CACNA1C: variants seen among roughly 807,000 people sequenced by gnomAD.
The protein encoded by CACNA1C is voltage-dependent L-type calcium channel subunit alpha-1C.
Under a neutral mutation model 229.0 loss-of-function variants are expected in CACNA1C, and 30 were observed. The observed-to-expected ratio is 0.13, with a 90% confidence interval of 0.10 to 0.18. CACNA1C has a LOEUF of 0.18. CACNA1C is among the 10% of genes least tolerant of loss of function. The pLI, the probability that CACNA1C is intolerant of heterozygous loss-of-function variation, is 1.00. For missense variants in CACNA1C, 1,658 were observed against 2,845.0 expected (o/e 0.58, Z 9.49); for synonymous variants, 1,114 against 1,132.5 (o/e 0.98, Z 0.33).
rs1000637603 is a variant in CACNA1C, at chr12:2,378,775, T to C, written c.478-70201T>C. On this transcript the variant is annotated intron_variant, in intron 3 of 46. Coordinates refer to ENST00000399655, the MANE Select transcript of CACNA1C (RefSeq NM_000719.7). ...GTCCTTGTTCTTTTTGTTTGTTTATTTGGGTCCTTCCTTCCTTCCTTCCTT... is the reference window on the plus strand; with the variant it reads ...GTCCTTGTTCTTTTTGTTTGTTTATCTGGGTCCTTCCTTCCTTCCTTCCTT... Among the ~76,000 whole-genome samples, 3 of 137,696 alleles carry C rather than the reference T, an allele frequency of 2.2e-5. No homozygotes were observed. In the East Asian group the frequency reaches 6.4e-4, roughly 29 times the overall value. The allele number at this position is 137,696 out of a possible 152,430, so 90.3% of individuals were successfully genotyped here.
At chr12:2,383,719 C>T (rs947313961) in intron 3 of CACNA1C, among the ~76,000 whole-genome samples, 5 of 152,154 alleles carry the variant, frequency 3.3e-5, no homozygotes, top group Admixed American at 3.3e-4. Context: ...ACTCAAACCA[C>T]GTCAAAATAG....
At chr12:2,026,004 AAAGCCTTTG>A (rs1281834119) in intron 1 of CACNA1C, among the ~76,000 whole-genome samples, 2 of 152,238 alleles carry the variant, frequency 1.3e-5, no homozygotes, top group African/African-American at 4.8e-5. Context: ...CATATGTGCA[AAAGCCTTTG>A]AAAGACCAGA....
At chr12:2,064,146 CAAA>C (rs1448562078) in intron 1 of CACNA1C, among the ~76,000 whole-genome samples, 1 of 151,778 alleles carries the variant, frequency 6.6e-6, no homozygotes, top group Non-Finnish European at 1.5e-5. Flanking sequence ...TGCCTCTGTT[CAAA>C]AAAACAAAAT....
intron 8 of CACNA1C, among the ~76,000 whole-genome samples, chr12:2,505,148 G>C (rs2099768810): frequency 6.6e-6 from 1 of 152,030 alleles, no homozygotes; most frequent in African/African-American, 2.4e-5. Context: ...ATGGAGGAGA[G>C]CTGGCTTCAC....
At chr12:2,162,378 T>G (rs944645795) in intron 3 of CACNA1C, among the ~76,000 whole-genome samples, 1 of 151,816 alleles carries the variant, frequency 6.6e-6, no homozygotes, top group Non-Finnish European at 1.5e-5. Flanking sequence ...GAAACAAGTC[T>G]GCCCCGTTTG....
intron 3 of CACNA1C, among the ~76,000 whole-genome samples, chr12:2,353,159 T>G (rs1201478697): frequency 6.6e-6 from 1 of 152,122 alleles, no homozygotes; most frequent in Admixed American, 6.5e-5. Context: ...GTCACTCTGG[T>G]TGGGATGCTG....
At chr12:2,101,039 G>A (rs1299296733) in intron 1 of CACNA1C, among the ~76,000 whole-genome samples, 2 of 151,498 alleles carry the variant, frequency 1.3e-5, no homozygotes, top group Non-Finnish European at 2.9e-5. Flanking sequence ...AAAAATTGTG[G>A]TCCCATTGTA....
rs964393844 is a variant in CACNA1C at position 2,287,002 on chromosome 12, A to G, written c.478-161974A>G. Among the ~76,000 whole-genome samples the G allele has an allele frequency of 6.6e-6, 1 of 152,208 alleles. No individual in the cohort carries two copies. The highest frequency in any genetic ancestry group is 6.5e-5 in the Admixed American group (1 of 15,294). ...TCTAAAGTGAAGGGTGTGTGTGGAG[A>G]GGTCATGCAAGAAATTTGGAAGCTG... is the stretch of plus-strand genomic sequence containing the variant. On this transcript the variant is annotated intron_variant, in intron 3 of 46. Transcript: ENST00000399655. This position sits in a 1 kb window ranked among gnomAD's most constrained non-coding sequence, Gnocchi z 4.6.
At chr12:2,437,753 G>A in intron 3 of CACNA1C, among the ~76,000 whole-genome samples, 1 of 151,984 alleles carries the variant, frequency 6.6e-6, no homozygotes, top group Non-Finnish European at 1.5e-5. Flanking sequence ...GGGGATGGTG[G>A]TAATGGTGAT....
intron 7 of CACNA1C, among the ~76,000 whole-genome samples, chr12:2,497,931 A>G (rs2099750140): frequency 6.7e-6 from 1 of 148,954 alleles, no homozygotes; most frequent in South Asian, 2.2e-4. Context: ...CCATCCCACT[A>G]TGTGTCTGGA....
Position 2,630,701 on chromosome 12 carries a change from G to A in CACNA1C, c.3829-3596G>A, listed in dbSNP as rs1438684607. On this transcript the variant is annotated intron_variant, in intron 29 of 46. Transcript: ENST00000399655. The surrounding 1 kb of genome is among the most constrained non-coding windows in gnomAD (Gnocchi z 5.4). ...GCCCAGACATGTACCCTCACCCACT[G>A]CATTCCAGCTCTGTGGAAATCCCCC... is the stretch of plus-strand genomic sequence containing the variant. 6.6e-6 allele frequency among the ~76,000 whole-genome samples: 1 copy of A among 152,208 alleles called. No individual in the cohort carries two copies. Among genetic ancestry groups the A allele is most frequent in the Non-Finnish European group, 1.5e-5 (1 of 68,024 alleles).
At chr12:2,212,744 G>A (rs2097963022) in intron 3 of CACNA1C, among the ~76,000 whole-genome samples, 1 of 152,126 alleles carries the variant, frequency 6.6e-6, no homozygotes, top group South Asian at 2.1e-4. Flanking sequence ...CTGACTAAGT[G>A]TCTGGTGTGA....
At chr12:2,517,318 AAG>A (rs1389451870) in intron 9 of CACNA1C, among the ~76,000 whole-genome samples, 1 of 152,350 alleles carries the variant, frequency 6.6e-6, no homozygotes, top group Admixed American at 6.5e-5. Context: ...GGAAACCAGA[AAG>A]AGGAGAGGAG....
intron 9 of CACNA1C, among the ~76,000 whole-genome samples, chr12:2,537,604 C>A (rs2099858796): frequency 6.6e-6 from 1 of 152,220 alleles, no homozygotes; most frequent in African/African-American, 2.4e-5. Flanking sequence ...CTATCCCTTT[C>A]CAATCATACC....
intron 3 of CACNA1C, among the ~76,000 whole-genome samples, chr12:2,179,294 C>T (rs895263980): frequency 6.6e-5 from 10 of 152,136 alleles, no homozygotes; most frequent in African/African-American, 1.7e-4. Context: ...AGAAGTAAGT[C>T]GGGGAGGAGG....
chr12:2,061,492 A>G (rs1361367488), intron 1 of CACNA1C, among the ~76,000 whole-genome samples: 4 of 152,146 alleles, frequency 2.6e-5, no homozygotes, highest in African/African-American at 7.2e-5. Context: ...CCCTCCAGAG[A>G]GTCTAGGAGC....
chr12:2,291,333 G>A (rs1383132168), intron 3 of CACNA1C, among the ~76,000 whole-genome samples: 1 of 152,076 alleles, frequency 6.6e-6, no homozygotes. Context: ...TTTGCTCAAG[G>A]GCCCCTGGCT....
At chr12:2,332,998 A>T (rs2096593262) in intron 3 of CACNA1C, among the ~76,000 whole-genome samples, 1 of 152,314 alleles carries the variant, frequency 6.6e-6, no homozygotes, top group African/African-American at 2.4e-5. Context: ...CTGTGTGACG[A>T]CAGTGTCTGA....
intron 3 of CACNA1C, among the ~76,000 whole-genome samples, chr12:2,306,529 G>C (rs1299738397): frequency 1.3e-5 from 2 of 152,174 alleles, no homozygotes; most frequent in Non-Finnish European, 2.9e-5. Context: ...AAAGGGAAAA[G>C]GTCCTAAAAA....
Sources: allele counts gnomAD v4.1 joint callset (sites outside exome capture counted in the v4.1 genomes callset), GRCh38; gene constraint gnomAD v4.1.1; non-coding constraint Gnocchi (gnomAD v3.1); transcripts MANE v1.5; gene names NCBI Gene and HGNC (gene_info 2026-07-23, HGNC 2026-07-21).